DNAH7: variants seen among roughly 807,000 people sequenced by gnomAD.
DNAH7 encodes the protein dynein axonemal heavy chain 7.
A neutral mutation model predicts 444.6 loss-of-function variants in DNAH7; 397 were observed. That is an observed-to-expected ratio of 0.89 (90% confidence interval 0.82 to 0.97). The LOEUF is 0.97. Among genes scored for constraint, DNAH7 ranks in the 50% least tolerant of loss-of-function variants. The pLI is 0.00. For missense variants in DNAH7, 4,902 were observed against 4,800.8 expected (o/e 1.02, Z -0.62); for synonymous variants, 1,636 against 1,624.4 (o/e 1.01, Z -0.17).
chr2:195,816,140 T>C (rs78303729), intron 51 of DNAH7, among the ~76,000 whole-genome samples: 2,555 of 152,314 alleles, frequency 0.017, 69 homozygotes, highest in African/African-American at 0.058. Flanking sequence ...AACAGTAATA[T>C]AAAGTATTTT....
In DNAH7 at chr2:196,000,895, T is replaced by A. The variant is rs1373062935; in HGVS notation, c.1174-12A>T. The A allele has an allele frequency of 1.9e-6, 3 of 1,552,328 alleles. No homozygotes were observed. Among genetic ancestry groups the A allele is most frequent in the East Asian group, 2.3e-5 (1 of 43,956 alleles). ...GCTCTAACAGAATCCTGCAAAAAAT[T>A]AAAAAATTTACATACATAAATATGT... On this transcript the variant is annotated splice_polypyrimidine_tract_variant and intron_variant, in intron 11 of 64. Coordinates refer to ENST00000312428, the MANE Select transcript of DNAH7 (RefSeq NM_018897.3).
At chr2:195,931,326 T>G (rs970507208) in intron 21 of DNAH7, among the ~76,000 whole-genome samples, 1 of 152,142 alleles carries the variant, frequency 6.6e-6, no homozygotes, top group Non-Finnish European at 1.5e-5. Context: ...ATATTAGGCC[T>G]TTGTCAGATG....
chr2:196,059,490 T>G (rs888065041), intron 1 of DNAH7, among the ~76,000 whole-genome samples: 4 of 152,258 alleles, frequency 2.6e-5, no homozygotes, highest in African/African-American at 9.6e-5. Context: ...ATTTCTCCTT[T>G]GACAACCAGC....
At chr2:195,903,870 T>A (rs1165506386) in intron 27 of DNAH7, 1 of 152,096 alleles carries the variant, frequency 6.6e-6, no homozygotes, top group African/African-American at 2.4e-5. Context: ...GAGAGCTTGG[T>A]AGATACTCCT....
intron 12 of DNAH7, among the ~76,000 whole-genome samples, chr2:195,990,273 GT>G (rs1178764012): frequency 1.3e-5 from 2 of 152,090 alleles, no homozygotes; most frequent in African/African-American, 2.4e-5. Flanking sequence ...CAGGGGTCTA[GT>G]TTGATTTTTC....
intron 5 of DNAH7, among the ~76,000 whole-genome samples, chr2:196,032,905 A>T (rs748955530): frequency 3.9e-5 from 6 of 152,222 alleles, no homozygotes; most frequent in Admixed American, 3.3e-4. Context: ...TATTAAAAGG[A>T]TTACACACAA....
Position 195,960,914 on chromosome 2 carries a change from A to G in DNAH7, c.2237T>C (p.Phe746Ser), listed in dbSNP as rs1406291975. The change falls in exon 18 of 65, where the codon TTT becomes TCT. Residue 746 changes from phenylalanine (F) to serine (S), a missense_variant. Transcript: ENST00000312428. ...IEQFNAEEEA[F>S]GWLPSVYPQR... ...AGGATATACAGATGGTAGCCAACCA[A>G]ATGCTTCCTCTTCAGCATTAAACTG... 6.2e-7 allele frequency: 1 copy of G among 1,606,542 alleles called. No individual in the cohort carries two copies. Among genetic ancestry groups the G allele is most frequent in the Admixed American group, 1.7e-5 (1 of 59,504 alleles).
At chr2:195,815,595 C>A (rs988864646) in intron 51 of DNAH7, among the ~76,000 whole-genome samples, 1 of 152,156 alleles carries the variant, frequency 6.6e-6, no homozygotes, top group African/African-American at 2.4e-5. Context: ...TGGGTCTGAA[C>A]AGTCAAGAAA....
intron 47 of DNAH7, among the ~76,000 whole-genome samples, chr2:195,840,361 A>G (rs1456300791): frequency 6.6e-6 from 1 of 151,700 alleles, no homozygotes; most frequent in Non-Finnish European, 1.5e-5. Flanking sequence ...TCTCTTTCAC[A>G]TGATACAAAG....
At chr2:195,806,219 A>G (rs930617426) in intron 54 of DNAH7, among the ~76,000 whole-genome samples, 3 of 152,192 alleles carry the variant, frequency 2.0e-5, no homozygotes, top group Admixed American at 6.5e-5. Flanking sequence ...ATTTGCTAAT[A>G]TAACAGGTCT....
chr2:195,789,797 T>C (rs1344669967), intron 57 of DNAH7, among the ~76,000 whole-genome samples: 2 of 151,396 alleles, frequency 1.3e-5, no homozygotes. Flanking sequence ...AGAAATTTAT[T>C]AAAAAACAGA....
intron 12 of DNAH7, among the ~76,000 whole-genome samples, chr2:195,990,692 T>C (rs925822592): frequency 2.8e-4 from 43 of 151,476 alleles, no homozygotes; most frequent in Admixed American, 2.6e-4. Flanking sequence ...TGTGGATTTA[T>C]TTCTAGGTTA....
intron 9 of DNAH7, among the ~76,000 whole-genome samples, chr2:196,018,085 G>A (rs1352585046): frequency 6.6e-6 from 1 of 152,040 alleles, no homozygotes; most frequent in Non-Finnish European, 1.5e-5. Context: ...ATTCTAAGAG[G>A]TTATCAAATT....
intron 5 of DNAH7, among the ~76,000 whole-genome samples, chr2:196,029,861 ATTT>A (rs145685407): frequency 6.6e-6 from 1 of 151,798 alleles, no homozygotes; most frequent in Admixed American, 6.6e-5. Context: ...AACTATATTT[ATTT>A]TTTTTTCTCT....
intron 1 of DNAH7, among the ~76,000 whole-genome samples, chr2:196,067,333 T>C (rs1698481683): frequency 6.6e-6 from 1 of 152,234 alleles, no homozygotes; most frequent in Admixed American, 6.5e-5. Context: ...AAGAAGCTGC[T>C]CAATATATAA....
intron 24 of DNAH7, among the ~76,000 whole-genome samples, chr2:195,910,565 A>G (rs1687297896): frequency 6.6e-6 from 1 of 152,208 alleles, no homozygotes; most frequent in Admixed American, 6.5e-5. Context: ...TTTTGAAAGA[A>G]TGAAAAGAAA....
At chr2:195,819,743 A>G (rs1697372080) in intron 49 of DNAH7, among the ~76,000 whole-genome samples, 1 of 152,194 alleles carries the variant, frequency 6.6e-6, no homozygotes, top group Admixed American at 6.5e-5. Context: ...AGGACACCTG[A>G]GCTAAAACTT....
At chr2:196,046,821 T>A (rs1483297861) in intron 5 of DNAH7, among the ~76,000 whole-genome samples, 1 of 152,094 alleles carries the variant, frequency 6.6e-6, no homozygotes, top group East Asian at 1.9e-4. Flanking sequence ...CTGAGAATCA[T>A]AACGAAACTA....
At position 196,019,260 on chromosome 2, in the gene DNAH7, A is replaced by G; in HGVS notation, c.779T>C (p.Phe260Ser). The G allele has an allele frequency of 6.6e-7, 1 of 1,509,094 alleles. No homozygotes were observed. Among genetic ancestry groups the G allele is most frequent in the South Asian group, 1.4e-5 (1 of 71,604 alleles). 93.5% of individuals were successfully genotyped at this position (1,509,094 alleles called of 1,614,324 possible). A position where few individuals can be genotyped will look rare whatever the true frequency, so the allele number is the denominator to read the frequency against. The change falls in exon 9 of 65, where the codon TTT becomes TCT. Residue 260 changes from phenylalanine (F) to serine (S), a missense_variant. Coordinates refer to ENST00000312428, the MANE Select transcript of DNAH7 (RefSeq NM_018897.3). The part of the protein sequence containing the change: ...EILPKPWRKS[F>S]LAASSYIRDH... The stretch of plus-strand genomic sequence containing the variant: ...CCTAATATAACTGCTTGCAGCTAAA[A>G]AAGATTTCCTCCAAGGTTTTGGCAG...
Sources: gnomAD v4.1 joint callset for allele counts (sites outside exome capture counted in the v4.1 genomes callset) on GRCh38, gnomAD v4.1.1 for gene constraint, MANE v1.5 for transcripts, NCBI Gene and HGNC (gene_info 2026-07-23, HGNC 2026-07-21) for gene names.